The following NAA16 variants were observed in gnomAD, a reference collection of about 807,000 sequenced individuals.
The protein encoded by NAA16 is NARG1-like protein.
Under a neutral mutation model 110.3 loss-of-function variants are expected in NAA16, and 97 were observed. That is an observed-to-expected ratio of 0.88 (90% CI 0.75 to 1.04). The LOEUF (loss-of-function observed/expected upper bound fraction) is 1.04, where lower values mean the gene tolerates loss of function less well. NAA16 is among the 50% of genes least tolerant of loss of function. The probability of loss-of-function intolerance (pLI) is 0.00; values close to 1 mark genes in which losing one functional copy is unlikely to be tolerated. For synonymous variants in NAA16, 372 were observed against 330.6 expected (o/e 1.13, Z -1.36); for missense variants, 1,017 against 1,005.1 (o/e 1.01, Z -0.16).
intron 9 of NAA16, among the ~76,000 whole-genome samples, chr13:41,340,146 C>T (rs1432527445): frequency 6.6e-6 from 1 of 151,996 alleles, no homozygotes; most frequent in Non-Finnish European, 1.5e-5. Flanking sequence ...ATATAGGTGT[C>T]CTGTCCATAA....
chr13:41,374,882 C>G (rs41287005), intron 19 of NAA16, 43 bp downstream of exon 19: 2 of 1,197,658 alleles, frequency 1.7e-6, no homozygotes, highest in Non-Finnish European at 2.4e-6. Flanking sequence ...ACACAGTGAT[C>G]TAACAAAACG....
intron 9 of NAA16, among the ~76,000 whole-genome samples, chr13:41,344,282 T>G (rs1566273229): frequency 6.6e-6 from 1 of 152,214 alleles, no homozygotes; most frequent in African/African-American, 2.4e-5. Context: ...TCCTGTCTTG[T>G]GTTTGTTTTT....
In NAA16 at chr13:41,374,833, T is replaced by C. The variant is rs765624704; in HGVS notation, c.2391T>C (p.Asp797=). The part of the protein sequence containing the change: ...TRLDETIKDK[D]VKTLIKVSEA... The stretch of plus-strand genomic sequence containing the variant: ...TAGATGAAACTATAAAAGATAAAGA[T>C]GTAAAGGTAAGTTTTTTTTCTTTGG... The change falls in exon 19 of 20, where the codon GAT becomes GAC. Residue 797 remains aspartate, a synonymous_variant. Coordinates refer to ENST00000379406, the MANE Select transcript of NAA16 (RefSeq NM_024561.5). The C allele has an allele frequency of 1.6e-5, 25 of 1,600,702 alleles. No individual in the cohort carries two copies. Among genetic ancestry groups the C allele is most frequent in the Non-Finnish European group, 2.1e-5 (25 of 1,171,992 alleles).
intron 16 of NAA16, chr13:41,372,517 T>TTCAATAGGTAGA: frequency 1.0e-6 from 1 of 985,362 alleles, no homozygotes; most frequent in Non-Finnish European, 1.2e-6. Flanking sequence ...TGAACAACCA[T>TTCAATAGGTAGA]ACAAATTGTC....
intron 10 of NAA16, among the ~76,000 whole-genome samples, chr13:41,356,188 C>CG (rs146766429): frequency 0.074 from 11,259 of 151,966 alleles, 1,407 homozygotes; most frequent in African/African-American, 0.26. Context: ...CGCGCACACG[C>CG]GGGGGTTTGG....
chr13:41,327,107 T>G (rs900316678), intron 6 of NAA16, among the ~76,000 whole-genome samples: 2 of 151,990 alleles, frequency 1.3e-5, no homozygotes, highest in East Asian at 3.8e-4. Flanking sequence ...GTAGTGTATG[T>G]TTTTTTTCCC....
At chr13:41,370,938 G>GA (rs1376518752) in intron 15 of NAA16, among the ~76,000 whole-genome samples, 1 of 152,176 alleles carries the variant, frequency 6.6e-6, no homozygotes, top group African/African-American at 2.4e-5. Flanking sequence ...AAAAAGCCTT[G>GA]AAAGCCATCA....
At chr13:41,352,136 G>C (rs2042852683) in intron 9 of NAA16, among the ~76,000 whole-genome samples, 2 of 152,280 alleles carry the variant, frequency 1.3e-5, no homozygotes, top group South Asian at 4.1e-4. Flanking sequence ...GCGCTCAGGA[G>C]TTTGAGACCA....
chr13:41,311,645 G>A, intron 1 of NAA16, 63 bp downstream of exon 1: 3 of 1,497,712 alleles, frequency 2.0e-6, no homozygotes, highest in East Asian at 2.5e-5. Flanking sequence ...TTAAGGGCAA[G>A]CGGTCTGGCG....
At chr13:41,342,172 C>T (rs1180164905) in intron 9 of NAA16, among the ~76,000 whole-genome samples, 1 of 150,964 alleles carries the variant, frequency 6.6e-6, no homozygotes, top group African/African-American at 2.4e-5. Context: ...GAGTCTTGCT[C>T]TGCCGCCCAG....
At chr13:41,347,777 A>G (rs1275217456) in intron 9 of NAA16, among the ~76,000 whole-genome samples, 1 of 152,196 alleles carries the variant, frequency 6.6e-6, no homozygotes, top group Non-Finnish European at 1.5e-5. Context: ...GTGCAACATC[A>G]TGTCATCTGC....
At chr13:41,322,619 T>C (rs959234677) in intron 4 of NAA16, among the ~76,000 whole-genome samples, 1 of 152,136 alleles carries the variant, frequency 6.6e-6, no homozygotes, top group African/African-American at 2.4e-5. Context: ...TAATTAGATG[T>C]TTGGGTGTTT....
intron 9 of NAA16, among the ~76,000 whole-genome samples, chr13:41,352,810 G>A (rs1270747820): frequency 1.3e-5 from 2 of 152,010 alleles, no homozygotes; most frequent in African/African-American, 4.8e-5. Flanking sequence ...TTGTTTTGAA[G>A]TTCTGAATCT....
intron 10 of NAA16, among the ~76,000 whole-genome samples, chr13:41,356,379 A>G (rs1593504920): frequency 6.6e-6 from 1 of 151,572 alleles, no homozygotes; most frequent in East Asian, 2.0e-4. Context: ...TAAATATCTT[A>G]GTGTGCATCT....
chr13:41,311,550 C>T lies in NAA16; in HGVS notation c.22C>T (p.Pro8Ser), dbSNP rs1213034804. ...CACGATGCCGAACGTGCTGCTGCCG[C>T]CCAAGGAGAGCAACCTCTTCAAACG... MPNVLLP[P>S]KESNLFKRIL... Residue 8 changes from proline (P) to serine (S), a missense_variant, in exon 1 of 20, where the codon CCC (proline) becomes TCC (serine). Coordinates refer to ENST00000379406, the MANE Select transcript of NAA16 (RefSeq NM_024561.5). 1.9e-6 allele frequency: 3 copies of T among 1,608,150 alleles called. No individual in the cohort carries two copies. Among genetic ancestry groups the T allele is most frequent in the Middle Eastern group, 1.7e-4 (1 of 6,032 alleles).
chr13:41,373,796 C>G lies in NAA16; in HGVS notation c.2299+16C>G, dbSNP rs770569339. 1 of 1,574,878 alleles carries G rather than the reference C, an allele frequency of 6.3e-7. No individual in the cohort carries two copies. Among genetic ancestry groups the G allele is most frequent in the African/African-American group, 1.4e-5 (1 of 72,362 alleles). On this transcript the variant is annotated intron_variant, in intron 18 of 19. Transcript: ENST00000379406. The stretch of plus-strand genomic sequence containing the variant: ...CTACTTTCAGGTTTGTTTGTAGCCC[C>G]CAGGGTTAAAATACTTATGGAAAAA...
At chr13:41,373,558 A>G (rs1399686187) in intron 17 of NAA16, 79 bp from the exon 18 acceptor site, 4 of 1,450,684 alleles carry the variant, frequency 2.8e-6, no homozygotes, top group Non-Finnish European at 3.6e-6. Context: ...GCGCCCAGCC[A>G]TAAAGGGTTT....
At chr13:41,318,358 A>G (rs1412499699) in intron 2 of NAA16, among the ~76,000 whole-genome samples, 1 of 152,116 alleles carries the variant, frequency 6.6e-6, no homozygotes, top group Admixed American at 6.5e-5. Flanking sequence ...GGCACATGCC[A>G]CCATGCCTAG....
At chr13:41,359,033 A>C in intron 12 of NAA16, 71 bp downstream of exon 12, 1 of 1,342,514 alleles carries the variant, frequency 7.4e-7, no homozygotes, top group South Asian at 1.8e-5. Flanking sequence ...CTAAATTAAG[A>C]CAGTTTGTGA....
Sources: gnomAD v4.1 joint callset for allele counts (sites outside exome capture counted in the v4.1 genomes callset) on GRCh38, gnomAD v4.1.1 for gene constraint, MANE v1.5 for transcripts, NCBI Gene and HGNC (gene_info 2026-07-23, HGNC 2026-07-21) for gene names.